Variants in PHTF2 observed in about 807,000 individuals in gnomAD.
PHTF2 encodes protein PHTF2.
A neutral mutation model predicts 101.2 loss-of-function variants in PHTF2; 60 were observed. The ratio of observed to expected loss-of-function variants is 0.59; its 90% CI spans 0.48 to 0.73. The LOEUF (loss-of-function observed/expected upper bound fraction) is 0.73. PHTF2 is among the 30% of genes least tolerant of loss of function. PHTF2 has a pLI of 0.00. For synonymous variants in PHTF2, 311 were observed against 307.3 expected, an observed-to-expected ratio of 1.01 and a Z score of -0.13; for missense variants, 747 against 908.7, an observed-to-expected ratio of 0.82 and a Z score of 2.29.
At chr7:77,814,513 A>ATTTTT (rs771740540) in intron 1 of PHTF2, among the ~76,000 whole-genome samples, 39 of 134,894 alleles carry the variant, frequency 2.9e-4, no homozygotes, top group African/African-American at 1.1e-3. Flanking sequence ...CTTGGGGGGC[A>ATTTTT]TTTTTTTTTT....
intron 2 of PHTF2, among the ~76,000 whole-genome samples, chr7:77,843,936 C>G (rs375928002): frequency 1.3e-5 from 2 of 152,198 alleles, no homozygotes; most frequent in South Asian, 2.1e-4. Context: ...GAGTAGTATC[C>G]TTGTAAATAA....
In PHTF2 at chr7:77,807,608, C is replaced by T. The variant is rs559730888; in HGVS notation, c.-36+8637C>T. Among the ~76,000 whole-genome samples, 78 of 152,190 alleles carry T rather than the reference C, an allele frequency of 5.1e-4. No homozygotes were observed. In the South Asian group the frequency reaches 0.016, roughly 32 times the overall value. On this transcript the variant is annotated intron_variant, in intron 1 of 19. Coordinates refer to ENST00000416283, the Ensembl canonical transcript of PHTF2. Reference sequence around the variant, plus strand: ...ATATATTCTGAATATCAACCCCTTACCAGATTTCTGATTTGCAAATATTTT... The same window carrying T: ...ATATATTCTGAATATCAACCCCTTATCAGATTTCTGATTTGCAAATATTTT...
chr7:77,940,636 C>T (rs1805567807), exon 15 of PHTF2: 2 of 1,605,764 alleles, frequency 1.2e-6, no homozygotes, highest in Non-Finnish European at 1.7e-6. Flanking sequence ...AAAAATGTGG[C>T]TATCTCTCCG....
At chr7:77,952,712 A>G (rs1806658822) in intron 18 of PHTF2, among the ~76,000 whole-genome samples, 1 of 152,218 alleles carries the variant, frequency 6.6e-6, no homozygotes, top group Non-Finnish European at 1.5e-5. Flanking sequence ...AGCAGCCACA[A>G]TCTCAGAGCA....
chr7:77,897,921 TC>T (rs1411670734), intron 5 of PHTF2, among the ~76,000 whole-genome samples: 3 of 151,846 alleles, frequency 2.0e-5, no homozygotes, highest in Non-Finnish European at 4.4e-5. Context: ...CCTCAGGTGA[TC>T]CTGCCCACCT....
At chr7:77,895,730 A>T (rs1800818210) in intron 5 of PHTF2, 1 of 152,220 alleles carries the variant, frequency 6.6e-6, no homozygotes, top group South Asian at 2.1e-4. Context: ...AGGGTGAGGA[A>T]GGATTATATT....
rs149975113 is a variant in PHTF2, at chr7:77,835,890, C to T, written c.-35-4331C>T. On this transcript the variant is annotated intron_variant, in intron 1 of 19. Transcript: ENST00000416283. ...ATACCAGCACTTTGGGAGGCTGAGA[C>T]GGGAGGATCACCTGAGGTCCGGAGT... is the stretch of plus-strand genomic sequence containing the variant. Among the ~76,000 whole-genome samples the T allele has an allele frequency of 3.9e-4, 60 of 152,058 alleles. No individual in the cohort carries two copies. The East Asian group carries it at 0.011, about 28-fold the overall frequency.
chr7:77,929,525 A>G (rs1464525596), intron 12 of PHTF2, among the ~76,000 whole-genome samples, 198 bp downstream of exon 11: 1 of 152,180 alleles, frequency 6.6e-6, no homozygotes, highest in Admixed American at 6.5e-5. Context: ...TATGTTCCTG[A>G]AAAGTTATTG....
chr7:77,811,731 CT>C (rs1337765348), intron 1 of PHTF2, among the ~76,000 whole-genome samples: 1 of 152,142 alleles, frequency 6.6e-6, no homozygotes, highest in Non-Finnish European at 1.5e-5. Flanking sequence ...TGTGCCAGCC[CT>C]AGCATAAGAC....
intron 2 of PHTF2, among the ~76,000 whole-genome samples, chr7:77,847,403 G>A (rs775291481): frequency 5.9e-5 from 9 of 152,090 alleles, no homozygotes; most frequent in East Asian, 1.9e-4. Context: ...ATAGCATCGC[G>A]ACCTCTATTT....
intron 1 of PHTF2, among the ~76,000 whole-genome samples, chr7:77,831,856 C>A (rs1250913842): frequency 6.6e-6 from 1 of 152,098 alleles, no homozygotes; most frequent in Admixed American, 6.5e-5. Context: ...CAACATTTTG[C>A]AGGATGTGAT....
chr7:77,902,584 G>A (rs1801498713), intron 7 of PHTF2, among the ~76,000 whole-genome samples: 1 of 152,080 alleles, frequency 6.6e-6, no homozygotes, highest in African/African-American at 2.4e-5. Context: ...AGTCTTAGCA[G>A]CAGTATATAA....
chr7:77,895,037 CAGA>C (rs1800760891), intron 5 of PHTF2: 1 of 360,174 alleles, frequency 2.8e-6, no homozygotes, highest in Non-Finnish European at 5.4e-6. Flanking sequence ...AGATTTTAAG[CAGA>C]AGATTATATT....
intron 3 of PHTF2, among the ~76,000 whole-genome samples, chr7:77,888,421 T>C (rs1192456444): frequency 6.6e-6 from 1 of 152,152 alleles, no homozygotes; most frequent in Admixed American, 6.5e-5. Context: ...CGGCCTAGAA[T>C]GTTAGGTACT....
chr7:77,830,683 G>A (rs1398099463), intron 1 of PHTF2, among the ~76,000 whole-genome samples: 4 of 152,164 alleles, frequency 2.6e-5, no homozygotes, highest in Non-Finnish European at 5.9e-5. Context: ...TTAGCAGAGA[G>A]GTTTGACTGC....
intron 1 of PHTF2, among the ~76,000 whole-genome samples, chr7:77,831,028 A>G (rs1795039418): frequency 6.6e-6 from 1 of 152,244 alleles, no homozygotes; most frequent in South Asian, 2.1e-4. Context: ...ACTGCCAACA[A>G]AAAGAAAGCT....
chr7:77,846,024 C>T (rs1033469564), intron 2 of PHTF2, among the ~76,000 whole-genome samples: 3 of 152,126 alleles, frequency 2.0e-5, no homozygotes, highest in Admixed American at 6.5e-5. Flanking sequence ...TGCCTTTCTC[C>T]ATGTTGTGAG....
chr7:77,873,207 G>A (rs1045101638), intron 3 of PHTF2, among the ~76,000 whole-genome samples: 1 of 152,126 alleles, frequency 6.6e-6, no homozygotes, highest in Non-Finnish European at 1.5e-5. Flanking sequence ...GATTACAGGC[G>A]TGAGCCACTG....
Position 77,937,042 on chromosome 7 carries a change from G to A in PHTF2, c.1339-668G>A, listed in dbSNP as rs562411162. Among the ~76,000 whole-genome samples, 5 of 151,896 alleles carry A rather than the reference G, an allele frequency of 3.3e-5. No individual in the cohort carries two copies. In the South Asian group the frequency reaches 6.2e-4, roughly 19 times the overall value. ...TGCCTGTAGTCCGAGCTACTCAGGAGGCTGAGTGCTTCAGTTTTGTAATAT... is the reference window on the plus strand; with the variant it reads ...TGCCTGTAGTCCGAGCTACTCAGGAAGCTGAGTGCTTCAGTTTTGTAATAT... On this transcript the variant is annotated intron_variant, in intron 12 of 19. Transcript: ENST00000416283.
Sources: gnomAD v4.1 joint callset for allele counts (sites outside exome capture counted in the v4.1 genomes callset) on GRCh38, gnomAD v4.1.1 for gene constraint, MANE v1.5 for transcripts, NCBI Gene and HGNC (gene_info 2026-07-23, HGNC 2026-07-21) for gene names.